The following CCSER1 variants were observed in gnomAD, a reference collection of about 807,000 sequenced individuals.
The protein encoded by CCSER1 is serine-rich coiled-coil domain-containing protein 1.
Under a neutral mutation model 82.0 loss-of-function variants are expected in CCSER1, and 41 were observed. That is an observed-to-expected ratio of 0.50 (90% CI 0.39 to 0.65). The LOEUF (loss-of-function observed/expected upper bound fraction) is 0.65, where lower values mean the gene tolerates loss of function less well. Among genes scored for constraint, CCSER1 ranks in the 30% least tolerant of loss-of-function variants. CCSER1 has a pLI of 0.00. For synonymous variants in CCSER1, 414 were observed against 383.9 expected, an observed-to-expected ratio of 1.08 and a Z score of -0.92; for missense variants, 1,119 against 1,064.2, an observed-to-expected ratio of 1.05 and a Z score of -0.72.
chr4:90,223,824 T>G lies in CCSER1; in HGVS notation c.-41-84420T>G, dbSNP rs77705565. Among the ~76,000 whole-genome samples, 3,074 of 152,324 alleles carry G rather than the reference T, an allele frequency of 0.02. 216 individuals carry two copies. The East Asian group carries it at 0.25, about 12-fold the overall frequency. On this transcript the variant is annotated intron_variant, in intron 1 of 10. Transcript: ENST00000509176. ...TCATTGTAGGCCCAAATTACAGAAT[T>G]TATTTTATTGCCTTCTCAGTTTATT... is the stretch of plus-strand genomic sequence containing the variant.
chr4:91,588,295 G>A (rs1422173223), intron 10 of CCSER1, among the ~76,000 whole-genome samples: 1 of 151,228 alleles, frequency 6.6e-6, no homozygotes, highest in Non-Finnish European at 1.5e-5. Context: ...TATAGTAAGT[G>A]TTTCTAACAC....
chr4:90,752,360 T>C, intron 7 of CCSER1, among the ~76,000 whole-genome samples: 1 of 152,108 alleles, frequency 6.6e-6, no homozygotes, highest in East Asian at 1.9e-4. Flanking sequence ...GTGGAATAAT[T>C]CATTACATAT....
At chr4:91,285,287 A>C (rs1743199361) in intron 10 of CCSER1, among the ~76,000 whole-genome samples, 1 of 151,504 alleles carries the variant, frequency 6.6e-6, no homozygotes, top group Non-Finnish European at 1.5e-5. Flanking sequence ...TTTTTAAAGA[A>C]AAAAGTCCTT....
intron 10 of CCSER1, among the ~76,000 whole-genome samples, chr4:91,443,709 T>A: frequency 6.8e-6 from 1 of 147,638 alleles, no homozygotes; most frequent in East Asian, 2.0e-4. Flanking sequence ...CAGAAAAAAA[T>A]TAAGTATAGA....
chr4:90,975,662 A>G (rs891425408), intron 9 of CCSER1, among the ~76,000 whole-genome samples: 4 of 151,170 alleles, frequency 2.6e-5, no homozygotes, highest in Admixed American at 1.3e-4. Context: ...TATGGTTATC[A>G]TTGTCATTGT....
rs567114403 is a variant in CCSER1 at position 90,949,759 on chromosome 4, G to T, written c.2172+26312G>T. 2.5e-4 allele frequency among the ~76,000 whole-genome samples: 38 copies of T among 149,918 alleles called. No homozygotes were observed. The South Asian group carries it at 7.8e-3, about 31-fold the overall frequency. Reference sequence around the variant, plus strand: ...TATGGCATTTACATCTCATTTAATAGCCATAATGATTCTAAGTAGCAGACT... The same window carrying T: ...TATGGCATTTACATCTCATTTAATATCCATAATGATTCTAAGTAGCAGACT... On this transcript the variant is annotated intron_variant, in intron 9 of 10. Coordinates refer to ENST00000509176, the MANE Select transcript of CCSER1 (RefSeq NM_001145065.2).
chr4:90,301,851 A>G (rs77848802), intron 1 of CCSER1, among the ~76,000 whole-genome samples: 4,803 of 152,260 alleles, frequency 0.032, 197 homozygotes, highest in African/African-American at 0.096. Context: ...AAAAAGAAAT[A>G]AAATTAGCAG....
chr4:91,122,846 G>GTATTTGTGAATAA (rs1727205970), intron 10 of CCSER1, among the ~76,000 whole-genome samples: 3 of 151,818 alleles, frequency 2.0e-5, no homozygotes, highest in South Asian at 2.1e-4. Flanking sequence ...TACAAGAGTG[G>GTATTTGTGAATAA]ACATGTGAAT....
chr4:90,840,668 A>G (rs1762464381), intron 8 of CCSER1, among the ~76,000 whole-genome samples: 1 of 152,252 alleles, frequency 6.6e-6, no homozygotes, highest in Admixed American at 6.5e-5. Context: ...GCCTATGCAT[A>G]TAGCTTAAAG....
intron 3 of CCSER1, among the ~76,000 whole-genome samples, chr4:90,340,654 G>A (rs1306558924): frequency 6.6e-6 from 1 of 152,034 alleles, no homozygotes; most frequent in Non-Finnish European, 1.5e-5. Context: ...AATTTAACAT[G>A]ACAACTTTTC....
rs568083748 is a variant in CCSER1 at position 91,361,731 on chromosome 4, G to A, written c.2218-236841G>A. On this transcript the variant is annotated intron_variant, in intron 10 of 10. Transcript: ENST00000509176. ...GTTTGAAGACATGTCTTTGAGATAC[G>A]GAAGTGTTTTTGCTATGAAGACCAT... 8.2e-4 allele frequency among the ~76,000 whole-genome samples: 124 copies of A among 151,814 alleles called. 1 individual carries two copies. The highest frequency in any genetic ancestry group is 2.6e-3 in the African/African-American group (106 of 41,484).
At chr4:91,562,041 G>A (rs904512878) in intron 10 of CCSER1, among the ~76,000 whole-genome samples, 3 of 151,466 alleles carry the variant, frequency 2.0e-5, no homozygotes, top group Non-Finnish European at 4.4e-5. Flanking sequence ...ATATACATAA[G>A]GGAAATGGTG....
intron 10 of CCSER1, among the ~76,000 whole-genome samples, chr4:91,212,001 A>G (rs1248226483): frequency 6.6e-6 from 1 of 152,138 alleles, no homozygotes; most frequent in African/African-American, 2.4e-5. Context: ...TTCATCAGTT[A>G]TGCACATTTG....
chr4:91,398,267 T>G lies in CCSER1; in HGVS notation c.2218-200305T>G, dbSNP rs182322561. On this transcript the variant is annotated intron_variant, in intron 10 of 10. Transcript: ENST00000509176. The stretch of plus-strand genomic sequence containing the variant: ...ATATTTGAGGGCCATGAGATAATCT[T>G]AAAGCAATTAAGTAACATCATAATT... Among the ~76,000 whole-genome samples the G allele has an allele frequency of 8.6e-4, 131 of 152,042 alleles. No homozygotes were observed. In the Middle Eastern group the frequency reaches 0.02, roughly 24 times the overall value.
intron 10 of CCSER1, among the ~76,000 whole-genome samples, chr4:91,308,035 C>T (rs892481994): frequency 1.3e-5 from 2 of 151,894 alleles, no homozygotes; most frequent in African/African-American, 4.8e-5. Flanking sequence ...TATTAGTTCC[C>T]TTCACTGCTA....
chr4:90,919,958 A>G (rs1728131637), intron 8 of CCSER1, among the ~76,000 whole-genome samples: 1 of 151,978 alleles, frequency 6.6e-6, no homozygotes. Context: ...TTGGAAAGGA[A>G]ACTTAAAGAC....
At chr4:90,700,244 G>T (rs993073248) in intron 6 of CCSER1, among the ~76,000 whole-genome samples, 6 of 151,990 alleles carry the variant, frequency 3.9e-5, no homozygotes, top group African/African-American at 1.2e-4. Context: ...GGTGTGTTTG[G>T]TTTTTTGTCC....
chr4:91,198,486 T>G (rs899752297), intron 10 of CCSER1, among the ~76,000 whole-genome samples: 2 of 152,208 alleles, frequency 1.3e-5, no homozygotes, highest in African/African-American at 4.8e-5. Flanking sequence ...GAGAGGGTTC[T>G]GTAGAATATA....
intron 10 of CCSER1, among the ~76,000 whole-genome samples, chr4:91,437,853 T>A (rs1330272458): frequency 6.6e-6 from 1 of 152,228 alleles, no homozygotes; most frequent in East Asian, 1.9e-4. Context: ...TGGAGGGTCC[T>A]ACGCCCACAG....
Sources: gnomAD v4.1 joint callset for allele counts (sites outside exome capture counted in the v4.1 genomes callset) on GRCh38, gnomAD v4.1.1 for gene constraint, MANE v1.5 for transcripts, NCBI Gene and HGNC (gene_info 2026-07-23, HGNC 2026-07-21) for gene names.